The following AGPAT4 variants were observed in gnomAD, a reference collection of about 807,000 sequenced individuals.
AGPAT4 encodes the protein 1-acylglycerol-3-phosphate O-acyltransferase 4, also known as 1-acyl-sn-glycerol-3-phosphate acyltransferase delta.
A neutral mutation model predicts 48.0 loss-of-function variants in AGPAT4; 15 were observed. The observed-to-expected ratio is 0.31, with a 90% confidence interval of 0.21 to 0.48. The LOEUF is 0.48. AGPAT4 is among the 20% of genes least tolerant of loss of function. The pLI is 0.99. For missense variants in AGPAT4, 314 were observed against 482.5 expected (o/e 0.65, Z 3.27); for synonymous variants, 178 against 198.7 (o/e 0.90, Z 0.88).
In AGPAT4 at chr6:161,146,447, C is replaced by A. The variant is rs1213129050; in HGVS notation, c.843+77G>T. 9 of 1,434,624 alleles carry A rather than the reference C, an allele frequency of 6.3e-6. No homozygotes were observed. The African/African-American group carries it at 9.9e-5, about 16-fold the overall frequency. 88.9% of individuals were successfully genotyped at this position (1,434,624 alleles called of 1,614,324 possible). A position where few individuals can be genotyped will look rare whatever the true frequency, so the allele number is the denominator to read the frequency against. On this transcript the variant is annotated intron_variant, in intron 7 of 8. Coordinates refer to ENST00000320285, the MANE Select transcript of AGPAT4 (RefSeq NM_020133.3). This position sits in a 1 kb window ranked among gnomAD's most constrained non-coding sequence, Gnocchi z 7.1. ...GAGATCTCGCCCACCGGAGAAAGGC[C>A]TGCTACCACACAACACAGCCACACG...
rs1271444959 is a variant in AGPAT4, at chr6:161,240,157, C to CT, written c.-89-7856dup. ...TCATGTGGAGAAAATAATCACAACT[C>CT]TAAAAAAAAAACCGGAAGAAAAGAA... On this transcript the variant is annotated intron_variant, in intron 1 of 8. Transcript: ENST00000320285. This position sits in a 1 kb window ranked among gnomAD's most constrained non-coding sequence, Gnocchi z 5.5. Among the ~76,000 whole-genome samples, 2 of 150,498 alleles carry CT rather than the reference C, an allele frequency of 1.3e-5. No individual in the cohort carries two copies. The highest frequency in any genetic ancestry group is 6.6e-5 in the Admixed American group (1 of 15,096).
chr6:161,194,607 T>C (rs541285904), intron 2 of AGPAT4, among the ~76,000 whole-genome samples: 1 of 151,246 alleles, frequency 6.6e-6, no homozygotes, highest in Admixed American at 6.6e-5. Flanking sequence ...TATGTGTGTC[T>C]ATGTATGTGT....
intron 2 of AGPAT4, among the ~76,000 whole-genome samples, chr6:161,168,520 G>A (rs1275438734): frequency 1.3e-5 from 2 of 151,936 alleles, no homozygotes; most frequent in African/African-American, 4.8e-5. Flanking sequence ...CCCTACTATA[G>A]AGCACGGGCG....
rs1224499461 is a variant in AGPAT4, at chr6:161,219,904, CA to C, written c.178+12131del. Among the ~76,000 whole-genome samples the C allele has an allele frequency of 6.1e-3, 810 of 133,164 alleles. 8 individuals are homozygous for C. Among genetic ancestry groups the C allele is most frequent in the African/African-American group, 0.011 (342 of 30,890 alleles). The allele number at this position is 133,164 out of a possible 152,430, so 87.4% of individuals were successfully genotyped here. A position where few individuals can be genotyped will look rare whatever the true frequency, so the allele number is the denominator to read the frequency against. On this transcript the variant is annotated intron_variant, in intron 2 of 8. Transcript: ENST00000320285. This position sits in a 1 kb window ranked among gnomAD's most constrained non-coding sequence, Gnocchi z 4.9. ...GCAGGCAGGCAGGCAGGCAGGCAGG[CA>C]GGCAGGCAGGCGGCAGGCAGGCAGG... is the stretch of plus-strand genomic sequence containing the variant.
rs888915880 is a variant in AGPAT4, at chr6:161,218,097, G to T, written c.178+13939C>A. On this transcript the variant is annotated intron_variant, in intron 2 of 8. Transcript: ENST00000320285. This position sits in a 1 kb window ranked among gnomAD's most constrained non-coding sequence, Gnocchi z 4.7. The stretch of plus-strand genomic sequence containing the variant: ...TGATGAGTTGGTGCCTTGTTCTTCT[G>T]GCAAGAGAACCACATGCCCTGGGGT... 6.6e-6 allele frequency among the ~76,000 whole-genome samples: 1 copy of T among 152,226 alleles called. No homozygotes were observed. Among genetic ancestry groups the T allele is most frequent in the African/African-American group, 2.4e-5 (1 of 41,456 alleles).
At position 161,262,312 on chromosome 6, in the gene AGPAT4, G is replaced by A. The variant is rs1458350397; in HGVS notation, c.-90+11626C>T. 4.6e-5 allele frequency among the ~76,000 whole-genome samples: 7 copies of A among 152,124 alleles called. No homozygotes were observed. Among genetic ancestry groups the A allele is most frequent in the Non-Finnish European group, 8.8e-5 (6 of 68,024 alleles). ...ATGTGCAGGCAATGTTGAGAACATG[G>A]GTTAGACTCTGCTGCCAGGACCTGA... On this transcript the variant is annotated intron_variant, in intron 1 of 8. Coordinates refer to ENST00000320285, the MANE Select transcript of AGPAT4 (RefSeq NM_020133.3). This position sits in a 1 kb window ranked among gnomAD's most constrained non-coding sequence, Gnocchi z 4.9.
rs965002051 is a variant in AGPAT4 at position 161,244,389 on chromosome 6, C to T, written c.-89-12087G>A. 6.6e-6 allele frequency among the ~76,000 whole-genome samples: 1 copy of T among 151,994 alleles called. No homozygotes were observed. The highest frequency in any genetic ancestry group is 1.5e-5 in the Non-Finnish European group (1 of 68,002). On this transcript the variant is annotated intron_variant, in intron 1 of 8. Transcript: ENST00000320285. This position sits in a 1 kb window ranked among gnomAD's most constrained non-coding sequence, Gnocchi z 4.7. ...ATCTGATCTTTAATATTTCAAAATA[C>T]GACAAAAACAAATAATAAAAAGCCT...
In AGPAT4 at chr6:161,165,588, A is replaced by G; in HGVS notation, c.348+660T>C. 1 of 1,299,530 alleles carries G rather than the reference A, an allele frequency of 7.7e-7. No individual in the cohort carries two copies. The highest frequency in any genetic ancestry group is 1.0e-6 in the Non-Finnish European group (1 of 987,758). The allele number at this position is 1,299,530 out of a possible 1,614,324, so 80.5% of individuals were successfully genotyped here. The stretch of plus-strand genomic sequence containing the variant: ...TTCCTACGGAATACCTGAGTACCGC[A>G]GATGACTCTGATTCAGCTATGTGAC... On this transcript the variant is annotated intron_variant, in intron 3 of 8. Transcript: ENST00000320285. The surrounding 1 kb of genome is among the most constrained non-coding windows in gnomAD (Gnocchi z 5.5).
rs80008119 is a variant in AGPAT4 at position 161,255,273 on chromosome 6, C to T, written c.-90+18665G>A. On this transcript the variant is annotated intron_variant, in intron 1 of 8. Transcript: ENST00000320285. The surrounding 1 kb of genome is among the most constrained non-coding windows in gnomAD (Gnocchi z 4.7). ...CTCTGCAAAATACCATTGCTTCTTT[C>T]GCTTCAGAAAAGATTTTGGGAAGTG... 3.6e-3 allele frequency among the ~76,000 whole-genome samples: 550 copies of T among 152,302 alleles called. 8 individuals are homozygous for T. The East Asian group carries it at 0.043, about 12-fold the overall frequency.
In AGPAT4 at chr6:161,212,324, C is replaced by T. The variant is rs1326449144; in HGVS notation, c.178+19712G>A. ...GCCTTTTTTGAAATCCTTGAGTTAT[C>T]ACTTTAGTTAAATGAATGACCCTAT... On this transcript the variant is annotated intron_variant, in intron 2 of 8. Coordinates refer to ENST00000320285, the MANE Select transcript of AGPAT4 (RefSeq NM_020133.3). The surrounding 1 kb of genome is among the most constrained non-coding windows in gnomAD (Gnocchi z 6.1). Among the ~76,000 whole-genome samples the T allele has an allele frequency of 1.3e-5, 2 of 152,154 alleles. No homozygotes were observed. Among genetic ancestry groups the T allele is most frequent in the Non-Finnish European group, 2.9e-5 (2 of 68,022 alleles).
At position 161,131,058 on chromosome 6, in the gene AGPAT4, C is replaced by T. The variant is rs1778885869; in HGVS notation, c.*5482G>A. On this transcript the variant is annotated 3_prime_UTR_variant, in exon 9 of 9. Transcript: ENST00000320285. Reference sequence around the variant, plus strand: ...AGCAATCTTAACTTTGTGTACATACCACTCACCTCCCTTAAAATTCAGCAG... The same window carrying T: ...AGCAATCTTAACTTTGTGTACATACTACTCACCTCCCTTAAAATTCAGCAG... 1 of 314,182 alleles carries T rather than the reference C, an allele frequency of 3.2e-6. No homozygotes were observed. The highest frequency in any genetic ancestry group is 6.6e-6 in the Non-Finnish European group (1 of 151,218). 19.5% of individuals were successfully genotyped at this position (314,182 alleles called of 1,614,324 possible). A position where few individuals can be genotyped will look rare whatever the true frequency, so the allele number is the denominator to read the frequency against.
intron 1 of AGPAT4, among the ~76,000 whole-genome samples, chr6:161,256,936 C>T (rs1483074221): frequency 2.6e-5 from 4 of 152,214 alleles, no homozygotes; most frequent in Admixed American, 2.6e-4. Context: ...AAAAGTCAGC[C>T]TTTGGCATCA....
At position 161,236,664 on chromosome 6, in the gene AGPAT4, G is replaced by C. The variant is rs971102927; in HGVS notation, c.-89-4362C>G. Among the ~76,000 whole-genome samples the C allele has an allele frequency of 3.3e-5, 5 of 152,010 alleles. No homozygotes were observed. The highest frequency in any genetic ancestry group is 5.9e-5 in the Non-Finnish European group (4 of 68,012). On this transcript the variant is annotated intron_variant, in intron 1 of 8. Transcript: ENST00000320285. This position sits in a 1 kb window ranked among gnomAD's most constrained non-coding sequence, Gnocchi z 5.0. ...CACACCTGTAATCCTAGCACTTTGG[G>C]AGGCCCAGGTAGGTGGATCACTTGA...
rs1782163602 is a variant in AGPAT4, at chr6:161,232,967, T to C, written c.-89-665A>G. On this transcript the variant is annotated intron_variant, in intron 1 of 8. Transcript: ENST00000320285. This position sits in a 1 kb window ranked among gnomAD's most constrained non-coding sequence, Gnocchi z 6.8. The stretch of plus-strand genomic sequence containing the variant: ...AGGGTGGGAACTTAATTTTAAAAAA[T>C]ATTTGTAGAATGATTTAGTGAAGGT... Among the ~76,000 whole-genome samples the C allele has an allele frequency of 6.6e-6, 1 of 152,144 alleles. No individual in the cohort carries two copies. Among genetic ancestry groups the C allele is most frequent in the South Asian group, 2.1e-4 (1 of 4,838 alleles).
intron 2 of AGPAT4, among the ~76,000 whole-genome samples, chr6:161,170,985 G>C (rs1280526727): frequency 6.6e-6 from 1 of 152,228 alleles, no homozygotes; most frequent in Non-Finnish European, 1.5e-5. Context: ...AAAGGGCAGT[G>C]TCACCTCCTT....
At position 161,161,806 on chromosome 6, in the gene AGPAT4, T is replaced by C. The variant is rs888278389; in HGVS notation, c.348+4442A>G. The C allele has an allele frequency of 3.5e-6, 1 of 288,312 alleles. No individual in the cohort carries two copies. Among genetic ancestry groups the C allele is most frequent in the African/African-American group, 2.2e-5 (1 of 46,100 alleles). The allele number at this position is 288,312 out of a possible 1,614,324, so 17.9% of individuals were successfully genotyped here. A position where few individuals can be genotyped will look rare whatever the true frequency, so the allele number is the denominator to read the frequency against. ...GACACGTATTTTGAAGGTATATCAA[T>C]TGCTATCGTTGTCATGATCGAAAAT... On this transcript the variant is annotated intron_variant, in intron 3 of 8. Transcript: ENST00000320285. This position sits in a 1 kb window ranked among gnomAD's most constrained non-coding sequence, Gnocchi z 4.6.
intron 5 of AGPAT4, among the ~76,000 whole-genome samples, chr6:161,152,764 C>T (rs746966627): frequency 1.6e-4 from 24 of 152,080 alleles, no homozygotes; most frequent in East Asian, 5.8e-4. Flanking sequence ...CTGGAGCCCA[C>T]GGAAAGGGCC....
rs1368985120 is a variant in AGPAT4, at chr6:161,159,635, G to C, written c.349-5325C>G. On this transcript the variant is annotated intron_variant, in intron 3 of 8. Coordinates refer to ENST00000320285, the MANE Select transcript of AGPAT4 (RefSeq NM_020133.3). The surrounding 1 kb of genome is among the most constrained non-coding windows in gnomAD (Gnocchi z 4.1). ...CGTGTGTGTGTGTGTTCATCAAAAG[G>C]TGAGAGACTCCATTCTCTTTTTTTT... Among the ~76,000 whole-genome samples the C allele has an allele frequency of 1.3e-5, 2 of 152,138 alleles. No individual in the cohort carries two copies. The highest frequency in any genetic ancestry group is 2.9e-5 in the Non-Finnish European group (2 of 68,026).
At position 161,201,949 on chromosome 6, in the gene AGPAT4, G is replaced by A. The variant is rs998323437; in HGVS notation, c.178+30087C>T. Among the ~76,000 whole-genome samples, 1 of 152,168 alleles carries A rather than the reference G, an allele frequency of 6.6e-6. No individual in the cohort carries two copies. Among genetic ancestry groups the A allele is most frequent in the Non-Finnish European group, 1.5e-5 (1 of 68,034 alleles). On this transcript the variant is annotated intron_variant, in intron 2 of 8. Coordinates refer to ENST00000320285, the MANE Select transcript of AGPAT4 (RefSeq NM_020133.3). The surrounding 1 kb of genome is among the most constrained non-coding windows in gnomAD (Gnocchi z 6.0). ...CTTTGATATGCCAAGTAGGATGCCA[G>A]TAAGAAAGATGCTTACTAAAGGCCA...
Sources: allele counts gnomAD v4.1 joint callset (sites outside exome capture counted in the v4.1 genomes callset), GRCh38; gene constraint gnomAD v4.1.1; non-coding constraint Gnocchi (gnomAD v3.1); transcripts MANE v1.5; gene names NCBI Gene and HGNC (gene_info 2026-07-23, HGNC 2026-07-21).